The following GCA variants were observed in gnomAD, a reference collection of about 807,000 sequenced individuals.
GCA encodes grancalcin, EF-hand calcium-binding protein.
In GCA, 30 loss-of-function variants were observed where a neutral mutation model predicts 32.6. The observed-to-expected ratio is 0.92, with a 90% confidence interval of 0.69 to 1.25. The LOEUF (loss-of-function observed/expected upper bound fraction) is 1.25, where lower values mean the gene tolerates loss of function less well. Ranked by LOEUF, GCA falls within the 50% of genes most tolerant of loss-of-function variation. The probability of loss-of-function intolerance (pLI) is 0.00; values close to 1 mark genes in which losing one functional copy is unlikely to be tolerated. For synonymous variants in GCA, 102 were observed against 84.6 expected (o/e 1.21, Z -1.13); for missense variants, 291 against 266.8 (o/e 1.09, Z -0.63).
At chr2:162,324,277 G>A (rs1032004294) in intron 1 of GCA, among the ~76,000 whole-genome samples, 16 of 152,128 alleles carry the variant, frequency 1.1e-4, no homozygotes, top group African/African-American at 2.7e-4. Flanking sequence ...TGGAAGAATC[G>A]GATCACACCT....
rs1280100734 is a variant in GCA, at chr2:162,344,215, G to A, written c.-34G>A. 2.5e-6 allele frequency: 4 copies of A among 1,613,454 alleles called. No homozygotes were observed. Among genetic ancestry groups the A allele is most frequent in the Non-Finnish European group, 1.7e-6 (2 of 1,179,786 alleles). On this transcript the variant is annotated 5_prime_UTR_variant, in exon 1 of 8. Transcript: ENST00000437150. ...TCTCCCAGCACTGCGGACGCGACTC[G>A]AGGGTGACGCTCGCTCCGCTCGTCC...
chr2:162,332,626 A>G (rs1684136578), intron 1 of GCA, among the ~76,000 whole-genome samples: 2 of 152,094 alleles, frequency 1.3e-5, no homozygotes, highest in Non-Finnish European at 2.9e-5. Context: ...GTGGTTCAGG[A>G]AAGAGAATGA....
upstream of GCA, among the ~76,000 whole-genome samples, chr2:162,342,823 G>A (rs889546997): frequency 6.6e-6 from 1 of 152,192 alleles, no homozygotes; most frequent in African/African-American, 2.4e-5. Context: ...ATTTTGCAAT[G>A]GTTTGTTCTT....
At chr2:162,359,616 T>G (rs1685471446) in intron 7 of GCA, 64 bp downstream of exon 7, 1 of 763,300 alleles carries the variant, frequency 1.3e-6, no homozygotes. Flanking sequence ...TAAAAAAATT[T>G]AAGTGATCCC....
chr2:162,370,286 A>G (rs1685886596), intron 4 of GCA, among the ~76,000 whole-genome samples: 1 of 152,154 alleles, frequency 6.6e-6, no homozygotes, highest in Non-Finnish European at 1.5e-5. Flanking sequence ...ACAAACTTTC[A>G]ATAAATTTCA....
intron 1 of GCA, among the ~76,000 whole-genome samples, chr2:162,327,767 T>A (rs1229134267): frequency 6.6e-6 from 1 of 152,194 alleles, no homozygotes; most frequent in Non-Finnish European, 1.5e-5. Flanking sequence ...TTTGCACCTT[T>A]GGTGGCTGGG....
Position 162,362,654 on chromosome 2 carries a change from A to T in GCA, c.*2411A>T. 1.4e-6 allele frequency: 1 copy of T among 694,500 alleles called. No homozygotes were observed. Among genetic ancestry groups the T allele is most frequent in the Non-Finnish European group, 1.8e-6 (1 of 564,550 alleles). The allele number at this position is 694,500 out of a possible 1,614,324, so 43.0% of individuals were successfully genotyped here. ...CTTGCTGTAAAGTTTTGTATCATAC[A>T]AAATCTGTTACATATATATATATTA... On this transcript the variant is annotated 3_prime_UTR_variant, in exon 8 of 8. Coordinates refer to ENST00000437150, the MANE Select transcript of GCA (RefSeq NM_012198.5).
intron 1 of GCA, among the ~76,000 whole-genome samples, chr2:162,321,883 CAT>C (rs10529213): frequency 0.011 from 765 of 69,992 alleles, 3 homozygotes; most frequent in Middle Eastern, 0.022. Flanking sequence ...AATTTAGTTA[CAT>C]ATATATATAT....
intron 1 of GCA, among the ~76,000 whole-genome samples, chr2:162,328,271 A>G (rs901811892): frequency 6.6e-6 from 1 of 151,896 alleles, no homozygotes; most frequent in African/African-American, 2.4e-5. Context: ...ATGTGCCTGT[A>G]ATCACAGCTA....
chr2:162,341,846 A>G (rs1453342739), upstream of GCA, among the ~76,000 whole-genome samples: 1 of 152,226 alleles, frequency 6.6e-6, no homozygotes, highest in African/African-American at 2.4e-5. Flanking sequence ...GTGGGTAGTG[A>G]AATACAATTA....
At position 162,359,590 on chromosome 2, in the gene GCA, G is replaced by T. The variant is rs145237104; in HGVS notation, c.627+38G>T. The stretch of plus-strand genomic sequence containing the variant: ...CTTTTGATATTTATACTGCATTCTA[G>T]ATAGTTCTCAGTTAGTAAAAAAATT... On this transcript the variant is annotated intron_variant, in intron 7 of 7. Coordinates refer to ENST00000437150, the MANE Select transcript of GCA (RefSeq NM_012198.5). 6.8e-5 allele frequency: 73 copies of T among 1,072,808 alleles called. No individual in the cohort carries two copies. In the African/African-American group the frequency reaches 8.4e-4, roughly 12 times the overall value. The allele number at this position is 1,072,808 out of a possible 1,614,324, so 66.5% of individuals were successfully genotyped here.
chr2:162,352,857 T>G (rs1348716851), intron 3 of GCA, among the ~76,000 whole-genome samples: 1 of 152,226 alleles, frequency 6.6e-6, no homozygotes. Context: ...TTGTTAGGTA[T>G]GTTAGTCTTT....
intron 1 of GCA, among the ~76,000 whole-genome samples, chr2:162,337,731 CT>C (rs1315153680): frequency 6.6e-6 from 1 of 152,102 alleles, no homozygotes; most frequent in African/African-American, 2.4e-5. Flanking sequence ...AAGTTTTTTT[CT>C]CTTTCTTTTA....
chr2:162,372,815 A>G (rs903478346), downstream of GCA, among the ~76,000 whole-genome samples: 1 of 152,162 alleles, frequency 6.6e-6, no homozygotes, highest in African/African-American at 2.4e-5. Flanking sequence ...AATTGCAAGG[A>G]AAGCTAGACT....
intron 1 of GCA, among the ~76,000 whole-genome samples, chr2:162,333,386 T>G (rs1684163075): frequency 6.6e-6 from 1 of 152,142 alleles, no homozygotes; most frequent in Non-Finnish European, 1.5e-5. Flanking sequence ...ATAATTAACT[T>G]TTTTTCCCTC....
intron 1 of GCA, among the ~76,000 whole-genome samples, chr2:162,335,906 A>G (rs1684255723): frequency 6.6e-6 from 1 of 152,226 alleles, no homozygotes. Context: ...TCTTGAAATC[A>G]GAATGTGTGT....
In GCA at chr2:162,319,462, C is replaced by A. The variant is rs575423349; in HGVS notation, c.-31+237C>A. 3.5e-5 allele frequency: 8 copies of A among 229,226 alleles called. 1 individual carries two copies. In the South Asian group the frequency reaches 3.8e-4, roughly 11 times the overall value. 14.2% of individuals were successfully genotyped at this position (229,226 alleles called of 1,614,324 possible). On this transcript the variant is annotated intron_variant, in intron 1 of 4. Coordinates refer to the GCA transcript ENST00000429691. ...AAAACAAAACAAAAAAATCCCCCAA[C>A]AACTTATTTTTGATATAGCTGCCAT...
intron 2 of GCA, among the ~76,000 whole-genome samples, chr2:162,348,702 G>A (rs1323373134): frequency 1.3e-5 from 2 of 152,042 alleles, no homozygotes; most frequent in Non-Finnish European, 2.9e-5. Flanking sequence ...TGAATACTGT[G>A]GTCAACGGAA....
chr2:162,324,997 GA>G (rs146594371), intron 1 of GCA, among the ~76,000 whole-genome samples: 12,967 of 147,048 alleles, frequency 0.088, 1,315 homozygotes, highest in Admixed American at 0.23. Context: ...AGGCATGGGA[GA>G]AAAAAAAAAC....
Sources: gnomAD v4.1 joint callset for allele counts (sites outside exome capture counted in the v4.1 genomes callset) on GRCh38, gnomAD v4.1.1 for gene constraint, MANE v1.5 for transcripts, NCBI Gene and HGNC (gene_info 2026-07-23, HGNC 2026-07-21) for gene names.